DGLUCY: variants seen among roughly 807,000 people sequenced by gnomAD.
DGLUCY encodes D-glutamate cyclase, mitochondrial.
A neutral mutation model predicts 58.5 loss-of-function variants in DGLUCY; 58 were observed. The ratio of observed to expected loss-of-function variants is 0.99; its 90% CI spans 0.80 to 1.23. The LOEUF is 1.23. DGLUCY is among the 50% of genes most tolerant of loss of function. The probability of loss-of-function intolerance (pLI) is 0.00; values close to 1 mark genes in which losing one functional copy is unlikely to be tolerated. For missense variants in DGLUCY, 779 were observed against 784.7 expected (o/e 0.99, Z 0.09); for synonymous variants, 325 against 314.1 (o/e 1.03, Z -0.37).
intron 13 of DGLUCY, chr14:91,220,347 C>G (rs1213499467): frequency 2.6e-6 from 1 of 389,896 alleles, no homozygotes; most frequent in East Asian, 7.2e-5. Context: ...TAGTATCTGG[C>G]ATGGATTAAT....
At chr14:91,218,492 T>A (rs1886938655) in intron 13 of DGLUCY, among the ~76,000 whole-genome samples, 1 of 151,468 alleles carries the variant, frequency 6.6e-6, no homozygotes, top group South Asian at 2.1e-4. Context: ...AACCTCCGCC[T>A]CCCAGGTTTG....
At chr14:91,149,933 T>C (rs571333075) in intron 1 of DGLUCY, among the ~76,000 whole-genome samples, 2 of 152,228 alleles carry the variant, frequency 1.3e-5, no homozygotes, top group African/African-American at 2.4e-5. Context: ...ATAAAGCTTA[T>C]GTTTGGGCTG....
At chr14:91,199,397 C>G (rs907640909) in intron 10 of DGLUCY, among the ~76,000 whole-genome samples, 4 of 151,854 alleles carry the variant, frequency 2.6e-5, no homozygotes, top group African/African-American at 9.7e-5. Context: ...GTAGCTGGGA[C>G]TACAAGCACC....
At chr14:91,107,698 G>A (rs2044615743), upstream of DGLUCY, among the ~76,000 whole-genome samples, 1 of 152,132 alleles carries the variant, frequency 6.6e-6, no homozygotes, top group Non-Finnish European at 1.5e-5. Flanking sequence ...ACCTGCTCTT[G>A]TGAAGCTTAG....
intron 10 of DGLUCY, among the ~76,000 whole-genome samples, chr14:91,197,552 C>T (rs1363938943): frequency 6.6e-6 from 1 of 152,236 alleles, no homozygotes; most frequent in Non-Finnish European, 1.5e-5. Context: ...TTCTCCATCT[C>T]CTCCTCAACC....
rs184412679 is a variant in DGLUCY at position 91,133,300 on chromosome 14, A to G, written c.-82+19017A>G. ...ACAACAGCAAGACTCCGTCTCAACAACAACAACAACAACAACAAAGAATTT... is the reference window on the plus strand; with the variant it reads ...ACAACAGCAAGACTCCGTCTCAACAGCAACAACAACAACAACAAAGAATTT... On this transcript the variant is annotated intron_variant, in intron 1 of 13. Transcript: ENST00000256324. 1.6e-4 allele frequency among the ~76,000 whole-genome samples: 24 copies of G among 152,134 alleles called. No individual in the cohort carries two copies. The East Asian group carries it at 3.9e-3, about 24-fold the overall frequency.
intron 1 of DGLUCY, chr14:91,060,886 A>G (rs1381079893): frequency 1.3e-5 from 2 of 153,858 alleles, no homozygotes; most frequent in Non-Finnish European, 2.9e-5. Context: ...GATTGGTGAG[A>G]CCCAAAGCTC....
intron 1 of DGLUCY, among the ~76,000 whole-genome samples, chr14:91,141,438 C>G (rs1191605080): frequency 6.6e-6 from 1 of 151,802 alleles, no homozygotes; most frequent in African/African-American, 2.4e-5. Flanking sequence ...GTGCCAAACA[C>G]TGCTAAACAA....
chr14:91,106,887 G>A (rs2044601903), upstream of DGLUCY, among the ~76,000 whole-genome samples: 1 of 152,142 alleles, frequency 6.6e-6, no homozygotes. Flanking sequence ...AAAGTTGCAA[G>A]AGAAACTATT....
chr14:91,141,805 C>G (rs977504470), intron 1 of DGLUCY, among the ~76,000 whole-genome samples: 1 of 151,800 alleles, frequency 6.6e-6, no homozygotes, highest in Admixed American at 6.6e-5. Context: ...CCCGCCTCAG[C>G]CTCCCAAAGT....
chr14:91,173,046 G>A (rs2048659257), intron 5 of DGLUCY, among the ~76,000 whole-genome samples: 1 of 152,088 alleles, frequency 6.6e-6, no homozygotes, highest in African/African-American at 2.4e-5. Flanking sequence ...TTTGACCAGG[G>A]GTCCACAGCT....
chr14:91,129,707 C>T (rs890942187), intron 1 of DGLUCY, among the ~76,000 whole-genome samples: 1 of 151,400 alleles, frequency 6.6e-6, no homozygotes, highest in African/African-American at 2.4e-5. Context: ...AGTGCAATGG[C>T]GCAATCTCGG....
At chr14:91,141,336 T>A (rs2046656012) in intron 1 of DGLUCY, among the ~76,000 whole-genome samples, 1 of 150,360 alleles carries the variant, frequency 6.7e-6, no homozygotes, top group South Asian at 2.1e-4. Context: ...TTGCACCACT[T>A]CACTCCAGCC....
In DGLUCY at chr14:91,100,183, A is replaced by G. The variant is rs149771433; in HGVS notation, c.-82+39479A>G. Among the ~76,000 whole-genome samples, 275 of 152,338 alleles carry G rather than the reference A, an allele frequency of 1.8e-3. 2 individuals carry two copies. The highest frequency in any genetic ancestry group is 6.4e-3 in the African/African-American group (264 of 41,570). On this transcript the variant is annotated intron_variant, in intron 1 of 4. Coordinates refer to the DGLUCY transcript ENST00000521334. ...TCATCCTGACCCAGATTTCAAAGAT[A>G]ATGTACTTAAAATATTACAGAATTT...
chr14:91,095,757 A>C (rs572738230), intron 1 of DGLUCY, among the ~76,000 whole-genome samples: 12 of 152,118 alleles, frequency 7.9e-5, no homozygotes, highest in Admixed American at 3.3e-4. Context: ...ACACCTCTTC[A>C]GTGGTACTCT....
At chr14:91,196,336 C>G in intron 9 of DGLUCY, 39 bp from the exon 10 acceptor site, 1 of 1,572,574 alleles carries the variant, frequency 6.4e-7, no homozygotes, top group South Asian at 1.1e-5. Flanking sequence ...AAAGCCAACA[C>G]TAGAGCTGAT....
At chr14:91,094,107 T>G (rs1268495690) in intron 1 of DGLUCY, among the ~76,000 whole-genome samples, 1 of 152,152 alleles carries the variant, frequency 6.6e-6, no homozygotes, top group Admixed American at 6.6e-5. Context: ...TCTTATGTTA[T>G]GTGCATTTTA....
intron 4 of DGLUCY, among the ~76,000 whole-genome samples, chr14:91,169,410 T>C (rs60912556): frequency 0.045 from 6,687 of 148,948 alleles, 499 homozygotes; most frequent in African/African-American, 0.15. Flanking sequence ...TCTTCTTCTT[T>C]TTTTTTTTTT....
chr14:91,073,399 C>T (rs1386401499), intron 1 of DGLUCY, among the ~76,000 whole-genome samples: 2 of 152,132 alleles, frequency 1.3e-5, no homozygotes, highest in Admixed American at 6.5e-5. Context: ...CAAGATCGTG[C>T]CACTATACTC....
Sources: allele counts gnomAD v4.1 joint callset (sites outside exome capture counted in the v4.1 genomes callset), GRCh38; gene constraint gnomAD v4.1.1; transcripts MANE v1.5; gene names NCBI Gene and HGNC (gene_info 2026-07-23, HGNC 2026-07-21).